The following CTNND2 variants were observed in gnomAD, a reference collection of about 807,000 sequenced individuals.
CTNND2 encodes catenin delta 2, also known as catenin delta-2.
A neutral mutation model predicts 144.4 loss-of-function variants in CTNND2; 22 were observed. The observed-to-expected ratio is 0.15, with a 90% confidence interval of 0.11 to 0.22. The LOEUF is 0.22. Ranked by LOEUF, CTNND2 falls within the 10% of genes least tolerant of loss-of-function variation. The probability of loss-of-function intolerance (pLI) is 1.00; values close to 1 mark genes in which losing one functional copy is unlikely to be tolerated. For synonymous variants in CTNND2, 751 were observed against 695.6 expected, an observed-to-expected ratio of 1.08 and a Z score of -1.25; for missense variants, 1,353 against 1,618.8, an observed-to-expected ratio of 0.84 and a Z score of 2.82.
chr5:11,853,695 A>G (rs1795120743), intron 1 of CTNND2, among the ~76,000 whole-genome samples: 1 of 152,124 alleles, frequency 6.6e-6, no homozygotes. Context: ...TTTGGTGCCA[A>G]TTGCATCCCT....
At chr5:11,651,558 G>A (rs1339978121) in intron 2 of CTNND2, among the ~76,000 whole-genome samples, 1 of 152,214 alleles carries the variant, frequency 6.6e-6, no homozygotes, top group African/African-American at 2.4e-5. Flanking sequence ...CTGACAGCTT[G>A]CACTGTATGC....
chr5:11,539,102 G>C (rs564570089), intron 3 of CTNND2, among the ~76,000 whole-genome samples: 6 of 152,226 alleles, frequency 3.9e-5, no homozygotes, highest in African/African-American at 1.2e-4. Context: ...CTATGTTCAG[G>C]CTGTAGGGGA....
intron 15 of CTNND2, among the ~76,000 whole-genome samples, chr5:11,083,308 G>A (rs182219520): frequency 2.6e-5 from 4 of 152,344 alleles, no homozygotes; most frequent in Non-Finnish European, 4.4e-5. Flanking sequence ...GTTGCTGAAC[G>A]TGCTGTCAAT....
Position 11,240,841 on chromosome 5 carries a change from C to A in CTNND2, c.1629-4018G>T, listed in dbSNP as rs1414167187. Among the ~76,000 whole-genome samples the A allele has an allele frequency of 2.1e-5, 3 of 142,322 alleles. No homozygotes were observed. The East Asian group carries it at 6.6e-4, about 32-fold the overall frequency. The allele number at this position is 142,322 out of a possible 152,430, so 93.4% of individuals were successfully genotyped here. On this transcript the variant is annotated intron_variant, in intron 9 of 21. Transcript: ENST00000304623. ...TACACTCAGCACACACACCCCCCAACACACACCCAACACATACACTCAGCA... is the reference window on the plus strand; with the variant it reads ...TACACTCAGCACACACACCCCCCAAAACACACCCAACACATACACTCAGCA...
At chr5:11,412,179 ATTTCC>A (rs1462986862) in intron 3 of CTNND2, 110 bp from the exon 4 acceptor site, 41 of 712,544 alleles carry the variant, frequency 5.8e-5, no homozygotes, top group Non-Finnish European at 9.6e-5. Flanking sequence ...GCCCCGTTGC[ATTTCC>A]TTTCATTTCT....
chr5:11,532,394 G>A (rs952104070), intron 3 of CTNND2, among the ~76,000 whole-genome samples: 1 of 142,386 alleles, frequency 7.0e-6, no homozygotes, highest in African/African-American at 2.6e-5. Flanking sequence ...CCTGAATAAT[G>A]TTTATTGGAA....
chr5:11,329,927 TACA>T (rs1752909685), intron 9 of CTNND2, among the ~76,000 whole-genome samples: 5 of 152,162 alleles, frequency 3.3e-5, no homozygotes, highest in Admixed American at 3.3e-4. Flanking sequence ...TCTGGAAACT[TACA>T]ACAAGCTCCT....
At position 11,599,404 on chromosome 5, in the gene CTNND2, G is replaced by T. The variant is rs59146221; in HGVS notation, c.175-34348C>A. Among the ~76,000 whole-genome samples the T allele has an allele frequency of 8.0e-3, 1,219 of 152,242 alleles. 16 individuals carry two copies. The highest frequency in any genetic ancestry group is 0.028 in the African/African-American group (1,156 of 41,534). On this transcript the variant is annotated intron_variant, in intron 2 of 21. Coordinates refer to ENST00000304623, the MANE Select transcript of CTNND2 (RefSeq NM_001332.4). ...TTCTAATAGATGTTTTTGGAAGCTTGTGTCTTCTAGAACTTTTCTGTAGTT... is the reference window on the plus strand; with the variant it reads ...TTCTAATAGATGTTTTTGGAAGCTTTTGTCTTCTAGAACTTTTCTGTAGTT...
chr5:11,308,930 G>C lies in CTNND2; in HGVS notation c.1628+37442C>G, dbSNP rs115530566. On this transcript the variant is annotated intron_variant, in intron 9 of 21. Transcript: ENST00000304623. ...AGGGGAAGCAGGCACGTCTTACATG[G>C]TAGGAGCACGAGGAAGAGGGCAAAG... is the stretch of plus-strand genomic sequence containing the variant. Among the ~76,000 whole-genome samples, 453 of 152,302 alleles carry C rather than the reference G, an allele frequency of 3.0e-3. 2 individuals carry two copies. The highest frequency in any genetic ancestry group is 0.011 in the South Asian group (53 of 4,816).
intron 1 of CTNND2, among the ~76,000 whole-genome samples, chr5:11,762,342 A>C: frequency 6.6e-6 from 1 of 152,180 alleles, no homozygotes; most frequent in East Asian, 1.9e-4. Context: ...TTAATAGAGC[A>C]GAGAATAGAA....
In CTNND2 at chr5:11,022,978, G is replaced by A; in HGVS notation, c.2790C>T (p.Gly930=). The A allele has an allele frequency of 6.2e-7, 1 of 1,613,942 alleles. No individual in the cohort carries two copies. The highest frequency in any genetic ancestry group is 8.5e-7 in the Non-Finnish European group (1 of 1,179,862). Residue 930 remains glycine, a splice_region_variant and synonymous_variant, in exon 17 of 22, where the codon GGC becomes GGT. Transcript: ENST00000304623. ...GGACTAGGTCTCGCATGGCGTATTT[G>A]CCTGGAAAAGAAAATAAAGAGAAGA... ...ALDVRNKELI[G]KYAMRDLVHR...
intron 1 of CTNND2, among the ~76,000 whole-genome samples, chr5:11,751,592 C>T (rs1043690484): frequency 4.6e-5 from 7 of 151,962 alleles, no homozygotes; most frequent in African/African-American, 1.4e-4. Context: ...GCATAGTATG[C>T]CACAGTGTAT....
chr5:11,143,945 C>G (rs1580408307), intron 12 of CTNND2, among the ~76,000 whole-genome samples: 2 of 151,606 alleles, frequency 1.3e-5, no homozygotes, highest in Admixed American at 1.3e-4. Flanking sequence ...GGGCTTGTCC[C>G]CAGGTCTGCA....
intron 1 of CTNND2, among the ~76,000 whole-genome samples, chr5:11,894,752 G>A (rs1737262278): frequency 6.6e-6 from 1 of 152,154 alleles, no homozygotes; most frequent in Non-Finnish European, 1.5e-5. Flanking sequence ...CACAAGAGAA[G>A]GCAAGTGCCA....
At chr5:11,592,683 C>G (rs975278770) in intron 2 of CTNND2, among the ~76,000 whole-genome samples, 1 of 151,394 alleles carries the variant, frequency 6.6e-6, no homozygotes, top group Admixed American at 6.6e-5. Flanking sequence ...AAACAACAAC[C>G]AAACATCTAC....
chr5:11,197,614 C>T (rs1401339648), intron 11 of CTNND2, among the ~76,000 whole-genome samples: 3 of 152,220 alleles, frequency 2.0e-5, no homozygotes, highest in Admixed American at 1.3e-4. Flanking sequence ...ATAGGAATTT[C>T]TGATGTTGCC....
chr5:11,899,990 T>C (rs1737722675), intron 1 of CTNND2, among the ~76,000 whole-genome samples: 1 of 152,206 alleles, frequency 6.6e-6, no homozygotes, highest in Non-Finnish European at 1.5e-5. Flanking sequence ...AGAGAAATAG[T>C]TGGGCTCTGA....
chr5:11,483,599 A>T (rs1474586729), intron 3 of CTNND2, among the ~76,000 whole-genome samples: 27 of 152,178 alleles, frequency 1.8e-4, no homozygotes, highest in Admixed American at 1.8e-3. Flanking sequence ...CTGGCCGCCA[A>T]TCTCTTTTGC....
At chr5:11,776,062 G>T (rs189284100) in intron 1 of CTNND2, among the ~76,000 whole-genome samples, 11 of 152,270 alleles carry the variant, frequency 7.2e-5, no homozygotes, top group Admixed American at 7.2e-4. Context: ...AGGGAGCATG[G>T]GTGGCCCTTC....
Sources: gnomAD v4.1 joint callset for allele counts (sites outside exome capture counted in the v4.1 genomes callset) on GRCh38, gnomAD v4.1.1 for gene constraint, MANE v1.5 for transcripts, NCBI Gene and HGNC (gene_info 2026-07-23, HGNC 2026-07-21) for gene names.